The following UNC13A variants were observed in gnomAD, a reference collection of about 807,000 sequenced individuals.
The protein encoded by UNC13A is protein unc-13 homolog A.
In UNC13A, 61 loss-of-function variants were observed where a neutral mutation model predicts 219.7. That is an observed-to-expected ratio of 0.28 (90% confidence interval 0.23 to 0.34). The LOEUF (loss-of-function observed/expected upper bound fraction) is 0.34, where lower values mean the gene tolerates loss of function less well. Ranked by LOEUF, UNC13A falls within the 10% of genes least tolerant of loss-of-function variation. The pLI, the probability that UNC13A is intolerant of heterozygous loss-of-function variation, is 1.00. For missense variants in UNC13A, 1,476 were observed against 2,270.3 expected (o/e 0.65, Z 7.11); for synonymous variants, 920 against 884.6 (o/e 1.04, Z -0.71).
intron 41 of UNC13A, chr19:17,614,415 A>G (rs954657965): frequency 6.6e-6 from 1 of 152,108 alleles, no homozygotes; most frequent in Non-Finnish European, 1.5e-5. Context: ...CATGGTGCCA[A>G]TGGGGATCAC....
At chr19:17,645,576 C>A (rs531121137) in intron 19 of UNC13A, 98 bp downstream of exon 19, 1 of 1,535,154 alleles carries the variant, frequency 6.5e-7, no homozygotes, top group Non-Finnish European at 8.8e-7. Context: ...CGACCAAACT[C>A]CTCCTGAGAA....
chr19:17,606,803 CCCACACCCCCAGCCCA>C (rs1374091367), intron 43 of UNC13A, among the ~76,000 whole-genome samples: 1 of 151,738 alleles, frequency 6.6e-6, no homozygotes, highest in African/African-American at 2.4e-5. Context: ...TCCCCAGCCC[CCCACACCCCCAGCCCA>C]CCCCTCTTAC....
intron 2 of UNC13A, 136 bp downstream of exon 2, chr19:17,675,876 C>T (rs2079888338): frequency 8.3e-7 from 1 of 1,210,314 alleles, no homozygotes; most frequent in African/African-American, 1.5e-5. Flanking sequence ...CCTATTTAAT[C>T]TTCTGACCCC....
At position 17,613,668 on chromosome 19, in the gene UNC13A, C is replaced by T. The variant is rs1249888004; in HGVS notation, c.4559-1813G>A. The T allele has an allele frequency of 2.6e-5, 4 of 151,738 alleles. No individual in the cohort carries two copies. The South Asian group carries it at 6.3e-4, about 24-fold the overall frequency. 9.4% of individuals were successfully genotyped at this position (151,738 alleles called of 1,614,324 possible). A position where few individuals can be genotyped will look rare whatever the true frequency, so the allele number is the denominator to read the frequency against. ...TAGCGGCATCTTTTATTTTCCTTACCCCTATTTCCCTTCTAGTGCAGAATC... is the reference window on the plus strand; with the variant it reads ...TAGCGGCATCTTTTATTTTCCTTACTCCTATTTCCCTTCTAGTGCAGAATC... On this transcript the variant is annotated intron_variant, in intron 41 of 43. Transcript: ENST00000519716.
chr19:17,676,222 TGTCAGA>T, intron 1 of UNC13A, 181 bp from the exon 2 acceptor site: 1 of 724,756 alleles, frequency 1.4e-6, no homozygotes, highest in Non-Finnish European at 2.5e-6. Flanking sequence ...ATAGAAGCAA[TGTCAGA>T]GACAGAGACA....
intron 1 of UNC13A, 151 bp from the exon 2 acceptor site, chr19:17,676,192 A>G (rs1348364836): frequency 3.5e-6 from 3 of 847,060 alleles, no homozygotes; most frequent in Non-Finnish European, 5.9e-6. Flanking sequence ...AGCAAAAGAG[A>G]CAGATGTTAA....
intron 41 of UNC13A, chr19:17,614,255 A>C (rs1189477389): frequency 7.3e-6 from 1 of 137,060 alleles, no homozygotes; most frequent in Non-Finnish European, 1.6e-5. Context: ...GATCCGCCCA[A>C]CTTGGCCTCC....
In UNC13A at chr19:17,628,278, A is replaced by G. The variant is rs1402751632; in HGVS notation, c.3754-338T>C. 5.1e-5 allele frequency: 17 copies of G among 333,176 alleles called. No individual in the cohort carries two copies. The East Asian group carries it at 1.0e-3, about 21-fold the overall frequency. The allele number at this position is 333,176 out of a possible 1,614,324, so 20.6% of individuals were successfully genotyped here. A position where few individuals can be genotyped will look rare whatever the true frequency, so the allele number is the denominator to read the frequency against. ...TTGCAGCTCACACCCTGAAGGCTTC[A>G]TTTGCAACAGCCAGACAGTGACACA... is the stretch of plus-strand genomic sequence containing the variant. On this transcript the variant is annotated intron_variant, in intron 31 of 43. Coordinates refer to ENST00000519716, the MANE Select transcript of UNC13A (RefSeq NM_001080421.3).
At chr19:17,676,778 C>T (rs2079907483) in intron 1 of UNC13A, among the ~76,000 whole-genome samples, 1 of 152,196 alleles carries the variant, frequency 6.6e-6, no homozygotes, top group Non-Finnish European at 1.5e-5. Context: ...CTTTAGGTGG[C>T]TGAAGCAGGT....
chr19:17,676,795 C>T (rs975042242), intron 1 of UNC13A, among the ~76,000 whole-genome samples: 5 of 152,166 alleles, frequency 3.3e-5, no homozygotes, highest in African/African-American at 9.7e-5. Flanking sequence ...AGGTGGATCA[C>T]CTGAGGTCAG....
intron 43 of UNC13A, among the ~76,000 whole-genome samples, chr19:17,609,231 G>T (rs539115008): frequency 6.7e-6 from 1 of 148,576 alleles, no homozygotes; most frequent in East Asian, 2.0e-4. Flanking sequence ...CGGCGTCCCA[G>T]AGTGCTGGGA....
rs1309839123 is a variant in UNC13A, at chr19:17,640,561, C to T, written c.2737G>A (p.Ala913Thr). ...NINAYYAHTT[A>T]STNVSASDRF... Reference sequence around the variant, plus strand: ...TCGGAGGCAGACACGTTGGTGGAGGCGGTGGTGTGTGCGTAGTAGGCATTG... The same window carrying T: ...TCGGAGGCAGACACGTTGGTGGAGGTGGTGGTGTGTGCGTAGTAGGCATTG... Residue 913 changes from alanine (A) to threonine (T), a missense_variant, in exon 22 of 44, where the codon GCC becomes ACC. Coordinates refer to ENST00000519716, the MANE Select transcript of UNC13A (RefSeq NM_001080421.3). 5.8e-6 allele frequency: 9 copies of T among 1,558,256 alleles called. No individual in the cohort carries two copies. Among genetic ancestry groups the T allele is most frequent in the South Asian group, 1.2e-5 (1 of 84,404 alleles).
intron 1 of UNC13A, 159 bp from the exon 2 acceptor site, chr19:17,676,200 TAAA>T (rs754598572): frequency 1.2e-6 from 1 of 811,156 alleles, no homozygotes; most frequent in South Asian, 1.5e-5. Context: ...AGACAGATGT[TAAA>T]AAAGAAAGAT....
At chr19:17,657,947 G>A in intron 9 of UNC13A, 115 bp downstream of exon 9, 5 of 1,061,616 alleles carry the variant, frequency 4.7e-6, no homozygotes, top group Non-Finnish European at 6.9e-6. Context: ...CTCCTGGATG[G>A]GTGAATTCTG....
chr19:17,657,660 G>A (rs1166409049), intron 9 of UNC13A, among the ~76,000 whole-genome samples: 2 of 152,022 alleles, frequency 1.3e-5, no homozygotes, highest in Non-Finnish European at 2.9e-5. Context: ...ATAAAAAGGG[G>A]TTCAAGACTA....
intron 8 of UNC13A, among the ~76,000 whole-genome samples, chr19:17,662,553 T>A (rs529683363): frequency 6.6e-6 from 1 of 151,982 alleles, no homozygotes; most frequent in African/African-American, 2.4e-5. Context: ...CCCCAGTCCA[T>A]AAAAAAATTG....
At position 17,606,140 on chromosome 19, in the gene UNC13A, T is replaced by G. The variant is rs1271848157; in HGVS notation, c.5026A>C (p.Ser1676Arg). The change falls in exon 44 of 44, where the codon AGC (serine) becomes CGC (arginine). Residue 1676 changes from serine (S) to arginine (R), a missense_variant. By Grantham distance (110) the Ser-to-Arg change is moderately radical. Coordinates refer to ENST00000519716, the MANE Select transcript of UNC13A (RefSeq NM_001080421.3). ...LTVLRILSQR[S>R]NDEVAKEFVK... ...AACTCCTTGGCCACCTCGTCGTTGC[T>G]GCGCTGCGAGAGGATTCGCAGCACC... 6.3e-7 allele frequency: 1 copy of G among 1,591,606 alleles called. No individual in the cohort carries two copies.
intron 37 of UNC13A, 78 bp downstream of exon 37, chr19:17,621,754 G>A (rs1568505834): frequency 5.3e-6 from 8 of 1,519,424 alleles, no homozygotes; most frequent in Non-Finnish European, 5.5e-6. Flanking sequence ...TCCTGCCCAG[G>A]TGCACAGACG....
At chr19:17,642,809 G>T (rs1443564019) in intron 20 of UNC13A, 36 bp downstream of exon 20, 2 of 1,539,932 alleles carry the variant, frequency 1.3e-6, no homozygotes, top group Non-Finnish European at 1.8e-6. Flanking sequence ...ATGGTGAGTG[G>T]AAGTGGCATG....
Sources: gnomAD v4.1 joint callset for allele counts (sites outside exome capture counted in the v4.1 genomes callset) on GRCh38, gnomAD v4.1.1 for gene constraint, MANE v1.5 for transcripts, NCBI Gene and HGNC (gene_info 2026-07-23, HGNC 2026-07-21) for gene names.